The following AK4 variants were observed in gnomAD, a reference collection of about 807,000 sequenced individuals.
AK4 encodes the protein adenylate kinase 4, mitochondrial.
Under a neutral mutation model 24.6 loss-of-function variants are expected in AK4, and 13 were observed. The observed-to-expected ratio is 0.53, with a 90% CI of 0.34 to 0.84. The LOEUF (loss-of-function observed/expected upper bound fraction) is 0.84, where lower values mean the gene tolerates loss of function less well. Ranked by LOEUF, AK4 falls within the 40% of genes least tolerant of loss-of-function variation. The probability of loss-of-function intolerance (pLI) is 0.01; values close to 1 mark genes in which losing one functional copy is unlikely to be tolerated. For missense variants in AK4, 192 were observed against 288.2 expected (o/e 0.67, Z 2.42); for synonymous variants, 88 against 107.0 (o/e 0.82, Z 1.10).
At chr1:65,208,541 TTATTCAACAACTGGG>T (rs2101068116) in intron 2 of AK4, among the ~76,000 whole-genome samples, 1 of 152,352 alleles carries the variant, frequency 6.6e-6, no homozygotes, top group East Asian at 1.9e-4. Flanking sequence ...TGGTTCTTAC[TTATTCAACAACTGGG>T]AAGAGATGGG....
At chr1:65,166,736 G>T (rs573527347) in intron 1 of AK4, among the ~76,000 whole-genome samples, 1 of 152,258 alleles carries the variant, frequency 6.6e-6, no homozygotes, top group African/African-American at 2.4e-5. Context: ...GCCCAGGCTG[G>T]TCTTGAACTC....
intron 3 of AK4, 123 bp downstream of exon 3, chr1:65,219,049 C>A: frequency 1.5e-6 from 1 of 645,914 alleles, no homozygotes; most frequent in Non-Finnish European, 2.3e-6. Flanking sequence ...GACCAAAAAA[C>A]ATTTTTTAAA....
rs376197809 is a variant in AK4 at position 65,218,764 on chromosome 1, G to A, written c.276G>A (p.Arg92=). The part of the protein sequence containing the change: ...GQHWLLDGFP[R]TLGQAEALDK... ...GTTCTTTGCATTTAGGTTTTCCTAG[G>A]ACATTAGGACAAGCCGAAGCCCTGG... Residue 92 remains arginine, a synonymous_variant, in exon 3 of 5, where the codon AGG becomes AGA. Transcript: ENST00000327299. 3.2e-6 allele frequency: 5 copies of A among 1,581,038 alleles called. No homozygotes were observed. Among genetic ancestry groups the A allele is most frequent in the Non-Finnish European group, 4.3e-6 (5 of 1,165,652 alleles).
chr1:65,224,106 A>T (rs1364927113), intron 3 of AK4, among the ~76,000 whole-genome samples: 2 of 152,234 alleles, frequency 1.3e-5, no homozygotes, highest in African/African-American at 2.4e-5. Flanking sequence ...AAAATAAAGG[A>T]TTTAACAAAT....
rs909219274 is a variant in AK4, at chr1:65,161,319, C to CA, written c.145+12773dup. On this transcript the variant is annotated intron_variant, in intron 1 of 4. Coordinates refer to ENST00000327299, the MANE Select transcript of AK4 (RefSeq NM_013410.4). The stretch of plus-strand genomic sequence containing the variant: ...CCAGCATTAGGTATGGGGAGGCGTG[C>CA]AAAAAAGTAAAACTTGTTCTCTGTC... Among the ~76,000 whole-genome samples, 19 of 152,076 alleles carry CA rather than the reference C, an allele frequency of 1.2e-4. No homozygotes were observed. The East Asian group carries it at 3.7e-3, about 29-fold the overall frequency.
At chr1:65,190,957 C>T in intron 2 of AK4, 128 bp downstream of exon 2, 1 of 1,211,924 alleles carries the variant, frequency 8.3e-7, no homozygotes, top group Non-Finnish European at 1.1e-6. Flanking sequence ...TTTAATATTG[C>T]AATTTGGCAA....
At chr1:65,149,167 C>T (rs186826831) in intron 1 of AK4, 3 of 152,914 alleles carry the variant, frequency 2.0e-5, no homozygotes, top group Admixed American at 2.0e-4. Context: ...AACTCCCCCC[C>T]CTCCCGAAGC....
chr1:65,182,304 GTGTTCAGAGAATTTTCAGC>G (rs1485466468), intron 1 of AK4, among the ~76,000 whole-genome samples: 2 of 152,116 alleles, frequency 1.3e-5, no homozygotes, highest in Non-Finnish European at 1.5e-5. Context: ...GAGAAGTGGT[GTGTTCAGAGAATTTTCAGC>G]TGTGGTTCTG....
intron 1 of AK4, among the ~76,000 whole-genome samples, chr1:65,160,694 A>G (rs1650130581): frequency 6.6e-6 from 1 of 152,164 alleles, no homozygotes; most frequent in Non-Finnish European, 1.5e-5. Context: ...TCCTGGGCTC[A>G]AGCAGTACTC....
chr1:65,186,359 C>G (rs1169772735), intron 1 of AK4, among the ~76,000 whole-genome samples: 1 of 152,060 alleles, frequency 6.6e-6, no homozygotes, highest in African/African-American at 2.4e-5. Context: ...AAACTCCTGG[C>G]CATAAGTGAT....
chr1:65,198,895 G>A (rs1216040051), intron 2 of AK4, among the ~76,000 whole-genome samples: 1 of 151,624 alleles, frequency 6.6e-6, no homozygotes, highest in Non-Finnish European at 1.5e-5. Flanking sequence ...TGGGCAACAC[G>A]ATGAAAGCCC....
intron 1 of AK4, among the ~76,000 whole-genome samples, chr1:65,164,024 TC>T (rs1046448115): frequency 6.6e-6 from 1 of 152,106 alleles, no homozygotes; most frequent in Non-Finnish European, 1.5e-5. Context: ...AGTGATGTTA[TC>T]CCCAGGAGCA....
intron 1 of AK4, among the ~76,000 whole-genome samples, chr1:65,188,808 G>A (rs1455798545): frequency 6.9e-6 from 1 of 144,980 alleles, no homozygotes; most frequent in Admixed American, 6.9e-5. Context: ...ATGGAGTCTC[G>A]CTGTCGCCTG....
At chr1:65,155,833 C>T (rs1649963578) in intron 1 of AK4, among the ~76,000 whole-genome samples, 1 of 149,632 alleles carries the variant, frequency 6.7e-6, no homozygotes. Flanking sequence ...CCATGCCTGG[C>T]TTAATTTTTT....
At chr1:65,171,409 G>A (rs1650519976) in intron 1 of AK4, among the ~76,000 whole-genome samples, 1 of 148,836 alleles carries the variant, frequency 6.7e-6, no homozygotes, top group African/African-American at 2.5e-5. Context: ...CCCTGGTCAA[G>A]CGATTCTCCT....
At position 65,172,921 on chromosome 1, in the gene AK4, G is replaced by T. The variant is rs1229765909; in HGVS notation, c.146-17789G>T. On this transcript the variant is annotated intron_variant, in intron 1 of 4. Transcript: ENST00000327299. The stretch of plus-strand genomic sequence containing the variant: ...TCTGTTGCCCAGGCTGGAGTGCAAT[G>T]ACATGATCTGTGCTCACTGCAACCT... Among the ~76,000 whole-genome samples the T allele has an allele frequency of 2.3e-5, 3 of 133,050 alleles. No individual in the cohort carries two copies. The East Asian group carries it at 7.1e-4, about 31-fold the overall frequency. 87.3% of individuals were successfully genotyped at this position (133,050 alleles called of 152,430 possible).
chr1:65,158,504 ATTT>A (rs949579817), intron 1 of AK4, among the ~76,000 whole-genome samples: 1 of 150,714 alleles, frequency 6.6e-6, no homozygotes, highest in African/African-American at 2.4e-5. Context: ...AGCAAACTAG[ATTT>A]TTTTTTTCTT....
At chr1:65,150,590 TGGTAAATAAAAC>T (rs1649739134) in intron 1 of AK4, among the ~76,000 whole-genome samples, 1 of 152,218 alleles carries the variant, frequency 6.6e-6, no homozygotes, top group Admixed American at 6.5e-5. Flanking sequence ...GCTTACTGCC[TGGTAAATAAAAC>T]ATTCCTTTCC....
intron 1 of AK4, among the ~76,000 whole-genome samples, chr1:65,190,369 C>T (rs1364476880): frequency 4.0e-5 from 6 of 150,702 alleles, no homozygotes; most frequent in Non-Finnish European, 8.8e-5. Context: ...CTTAAGTGAT[C>T]CTCCCACCTC....
Sources: gnomAD v4.1 joint callset for allele counts (sites outside exome capture counted in the v4.1 genomes callset) on GRCh38, gnomAD v4.1.1 for gene constraint, MANE v1.5 for transcripts, NCBI Gene and HGNC (gene_info 2026-07-23, HGNC 2026-07-21) for gene names.